The following CTNNBL1 variants were observed in gnomAD, a reference collection of about 807,000 sequenced individuals.
CTNNBL1 encodes beta-catenin-like protein 1.
A neutral mutation model predicts 72.7 loss-of-function variants in CTNNBL1; 31 were observed. The ratio of observed to expected loss-of-function variants is 0.43; its 90% CI spans 0.32 to 0.58. The LOEUF is 0.58. CTNNBL1 is among the 20% of genes least tolerant of loss of function. The pLI, the probability that CTNNBL1 is intolerant of heterozygous loss-of-function variation, is 0.08. For missense variants in CTNNBL1, 534 were observed against 725.1 expected (o/e 0.74, Z 3.03); for synonymous variants, 240 against 267.3 (o/e 0.90, Z 1.00).
At chr20:37,831,427 G>A (rs1271906165) in intron 11 of CTNNBL1, among the ~76,000 whole-genome samples, 1 of 151,338 alleles carries the variant, frequency 6.6e-6, no homozygotes, top group Non-Finnish European at 1.5e-5. Flanking sequence ...GTGCAGTGGT[G>A]CGATCTCGGC....
rs2073540838 is a variant in CTNNBL1, at chr20:37,773,175, T to C, written c.751-4170T>C. ...TAAGTTATATTACATGTACAACTGG[T>C]TGATGCTAAAGTTCTTAGCCTCTAT... On this transcript the variant is annotated intron_variant, in intron 7 of 15. Coordinates refer to ENST00000361383, the MANE Select transcript of CTNNBL1 (RefSeq NM_030877.5). 2.0e-5 allele frequency among the ~76,000 whole-genome samples: 3 copies of C among 152,240 alleles called. No individual in the cohort carries two copies. In the South Asian group the frequency reaches 6.2e-4, roughly 32 times the overall value.
At chr20:37,859,752 G>C in intron 13 of CTNNBL1, 147 bp from the exon 14 acceptor site, 1 of 735,782 alleles carries the variant, frequency 1.4e-6, no homozygotes, top group South Asian at 1.9e-5. Context: ...TTTAAAGGGA[G>C]ATGTAGACAA....
At chr20:37,700,676 C>G (rs955531928) in intron 1 of CTNNBL1, among the ~76,000 whole-genome samples, 1 of 152,284 alleles carries the variant, frequency 6.6e-6, no homozygotes, top group South Asian at 2.1e-4. Context: ...TGAGAAGTTT[C>G]TGCTGGCATA....
intron 1 of CTNNBL1, among the ~76,000 whole-genome samples, chr20:37,707,637 T>C (rs2072898670): frequency 6.6e-6 from 1 of 152,250 alleles, no homozygotes; most frequent in African/African-American, 2.4e-5. Context: ...ATATAAGCAG[T>C]AAGGCTCTTT....
At chr20:37,856,444 G>A (rs574157019) in intron 13 of CTNNBL1, among the ~76,000 whole-genome samples, 1 of 152,172 alleles carries the variant, frequency 6.6e-6, no homozygotes, top group African/African-American at 2.4e-5. Context: ...CATTTTGTGA[G>A]GCACATCACG....
At chr20:37,864,424 A>C (rs1369094409) in intron 15 of CTNNBL1, among the ~76,000 whole-genome samples, 2 of 152,066 alleles carry the variant, frequency 1.3e-5, no homozygotes, top group Non-Finnish European at 2.9e-5. Context: ...TTGAGGTCTC[A>C]GGAAAACGCT....
At chr20:37,745,738 A>G (rs1306207779) in intron 3 of CTNNBL1, among the ~76,000 whole-genome samples, 1 of 152,226 alleles carries the variant, frequency 6.6e-6, no homozygotes, top group Non-Finnish European at 1.5e-5. Flanking sequence ...TTTCCATCTC[A>G]GAACAAACCT....
chr20:37,814,651 C>T (rs994452740), intron 11 of CTNNBL1, among the ~76,000 whole-genome samples: 2 of 152,164 alleles, frequency 1.3e-5, no homozygotes, highest in Non-Finnish European at 2.9e-5. Flanking sequence ...ATACATGTCC[C>T]TCCTCCAGCA....
intron 15 of CTNNBL1, among the ~76,000 whole-genome samples, chr20:37,870,001 C>T (rs1411243781): frequency 6.7e-6 from 1 of 149,654 alleles, no homozygotes; most frequent in Non-Finnish European, 1.5e-5. Context: ...AATCATCCCT[C>T]GCCATCTCCT....
chr20:37,794,766 T>G (rs1281826443), intron 10 of CTNNBL1, among the ~76,000 whole-genome samples: 1 of 151,912 alleles, frequency 6.6e-6, no homozygotes, highest in Non-Finnish European at 1.5e-5. Context: ...TCTCCCAAAG[T>G]GCTGGGATTA....
rs190672177 is a variant in CTNNBL1 at position 37,813,820 on chromosome 20, C to G, written c.1213+10772C>G. On this transcript the variant is annotated intron_variant, in intron 11 of 15. Coordinates refer to ENST00000361383, the MANE Select transcript of CTNNBL1 (RefSeq NM_030877.5). The stretch of plus-strand genomic sequence containing the variant: ...AGCCAGACTCCTTTAGTTATTTCTC[C>G]AGCATTTGTAGGTGGTGCCAAAATG... Among the ~76,000 whole-genome samples, 1,201 of 152,222 alleles carry G rather than the reference C, an allele frequency of 7.9e-3. 8 individuals carry two copies. Among genetic ancestry groups the G allele is most frequent in the Non-Finnish European group, 0.013 (891 of 68,018 alleles).
intron 3 of CTNNBL1, among the ~76,000 whole-genome samples, chr20:37,739,350 A>C (rs999200151): frequency 6.6e-6 from 1 of 152,114 alleles, no homozygotes; most frequent in Non-Finnish European, 1.5e-5. Flanking sequence ...CAGGTGGTAC[A>C]TGCATATCTA....
At chr20:37,730,590 C>T (rs886880333) in intron 1 of CTNNBL1, among the ~76,000 whole-genome samples, 1 of 152,228 alleles carries the variant, frequency 6.6e-6, no homozygotes, top group African/African-American at 2.4e-5. Context: ...AGTGCTGTGT[C>T]TCTTCAGCTC....
chr20:37,740,677 C>T (rs1022995934), intron 3 of CTNNBL1, among the ~76,000 whole-genome samples: 1 of 152,170 alleles, frequency 6.6e-6, no homozygotes, highest in Admixed American at 6.5e-5. Context: ...TTAGAAAATT[C>T]TGGCAAATAC....
At chr20:37,861,629 G>A (rs1234964209) in intron 15 of CTNNBL1, among the ~76,000 whole-genome samples, 1 of 152,204 alleles carries the variant, frequency 6.6e-6, no homozygotes, top group African/African-American at 2.4e-5. Flanking sequence ...GAAATGTGAG[G>A]ATAAACATAG....
chr20:37,863,051 C>G (rs2072505362), intron 15 of CTNNBL1, among the ~76,000 whole-genome samples: 1 of 152,162 alleles, frequency 6.6e-6, no homozygotes, highest in African/African-American at 2.4e-5. Context: ...CAATGCCAAG[C>G]AAATAATGGG....
intron 15 of CTNNBL1, among the ~76,000 whole-genome samples, chr20:37,860,841 G>A (rs561526983): frequency 6.6e-6 from 1 of 152,130 alleles, no homozygotes; most frequent in East Asian, 1.9e-4. Context: ...TGTTATAATT[G>A]TTCTGTTTTA....
At chr20:37,796,998 G>A (rs958502257) in intron 10 of CTNNBL1, among the ~76,000 whole-genome samples, 6 of 152,146 alleles carry the variant, frequency 3.9e-5, no homozygotes, top group Admixed American at 2.0e-4. Context: ...TGTTGGAGCC[G>A]GCTCATGTAG....
intron 5 of CTNNBL1, among the ~76,000 whole-genome samples, chr20:37,764,735 T>C (rs934907306): frequency 1.3e-5 from 2 of 152,232 alleles, no homozygotes; most frequent in Non-Finnish European, 2.9e-5. Context: ...GAGGTCAACA[T>C]AGAATGTGGC....
Sources: allele counts gnomAD v4.1 joint callset (sites outside exome capture counted in the v4.1 genomes callset), GRCh38; gene constraint gnomAD v4.1.1; transcripts MANE v1.5; gene names NCBI Gene and HGNC (gene_info 2026-07-23, HGNC 2026-07-21).